SLC25A12: variants seen among roughly 807,000 people sequenced by gnomAD.
The protein encoded by SLC25A12 is electrogenic aspartate/glutamate antiporter SLC25A12, mitochondrial.
In SLC25A12, 32 loss-of-function variants were observed where a neutral mutation model predicts 83.3. The ratio of observed to expected loss-of-function variants is 0.38; its 90% confidence interval spans 0.29 to 0.52. The LOEUF (loss-of-function observed/expected upper bound fraction) is 0.52, where lower values mean the gene tolerates loss of function less well. Among genes scored for constraint, SLC25A12 ranks in the 20% least tolerant of loss-of-function variants. SLC25A12 has a pLI of 0.84. For synonymous variants in SLC25A12, 267 were observed against 291.1 expected (o/e 0.92, Z 0.84); for missense variants, 611 against 835.6 (o/e 0.73, Z 3.31).
At chr2:171,814,687 T>C (rs1443382731) in intron 10 of SLC25A12, among the ~76,000 whole-genome samples, 1 of 137,614 alleles carries the variant, frequency 7.3e-6, no homozygotes, top group Non-Finnish European at 1.6e-5. Flanking sequence ...TGTTTCCTTC[T>C]TTGTGTTCAT....
intron 2 of SLC25A12, among the ~76,000 whole-genome samples, chr2:171,888,909 T>C (rs7588025): frequency 0.77 from 117,716 of 152,082 alleles, 46,555 homozygotes; most frequent in East Asian, 0.89. Context: ...TTTAAAATTA[T>C]ATCTCTTTAT....
intron 2 of SLC25A12, among the ~76,000 whole-genome samples, chr2:171,880,961 G>T (rs541081838): frequency 6.6e-6 from 1 of 152,198 alleles, no homozygotes; most frequent in South Asian, 2.1e-4. Context: ...CCTTTCTGGG[G>T]CTTAGTTTCC....
At chr2:171,843,319 T>A (rs867979070) in intron 5 of SLC25A12, among the ~76,000 whole-genome samples, 46 of 152,104 alleles carry the variant, frequency 3.0e-4, no homozygotes, top group African/African-American at 1.0e-3. Flanking sequence ...ACTAAACAAA[T>A]GAAAACTAGA....
At chr2:171,875,632 G>A (rs1372388643) in intron 2 of SLC25A12, among the ~76,000 whole-genome samples, 1 of 147,822 alleles carries the variant, frequency 6.8e-6, no homozygotes, top group Non-Finnish European at 1.5e-5. Context: ...TGCACATGGG[G>A]GCCGGGCGCG....
At chr2:171,843,690 A>T (rs1453576007) in intron 5 of SLC25A12, among the ~76,000 whole-genome samples, 1 of 151,932 alleles carries the variant, frequency 6.6e-6, no homozygotes, top group Admixed American at 6.6e-5. Context: ...AATAACTCAT[A>T]GGATTACTGA....
intron 14 of SLC25A12, 124 bp downstream of exon 14, chr2:171,793,503 G>T: frequency 3.1e-6 from 3 of 979,900 alleles, no homozygotes; most frequent in Admixed American, 1.9e-5. Flanking sequence ...TTTTCTTTTT[G>T]TTTGATTTTC....
At chr2:171,862,318 T>G (rs147165079) in intron 3 of SLC25A12, among the ~76,000 whole-genome samples, 2,857 of 152,374 alleles carry the variant, frequency 0.019, 58 homozygotes, top group Admixed American at 0.068. Context: ...CTCTGAGATC[T>G]GCATTAAATG....
At chr2:171,880,919 G>A (rs957954394) in intron 2 of SLC25A12, among the ~76,000 whole-genome samples, 1 of 152,094 alleles carries the variant, frequency 6.6e-6, no homozygotes, top group Non-Finnish European at 1.5e-5. Flanking sequence ...AAGCTCCTCC[G>A]TTTACTGTAT....
rs1202640641 is a variant in SLC25A12, at chr2:171,786,220, T to TA, written c.1836-746dup. 3.7e-3 allele frequency among the ~76,000 whole-genome samples: 524 copies of TA among 141,446 alleles called. 3 individuals carry two copies. Among genetic ancestry groups the TA allele is most frequent in the African/African-American group, 9.4e-3 (365 of 38,696 alleles). 92.8% of individuals were successfully genotyped at this position (141,446 alleles called of 152,430 possible). The stretch of plus-strand genomic sequence containing the variant: ...GAGACCCCGTCTCTACTAAAAATAT[T>TA]AAAAAAAAAAAAAATTAGCCAGGCG... On this transcript the variant is annotated intron_variant, in intron 17 of 17. Transcript: ENST00000422440.
At position 171,815,148 on chromosome 2, in the gene SLC25A12, T is replaced by G. The variant is rs1684025161; in HGVS notation, c.985A>C (p.Arg329=). Reference sequence around the variant, plus strand: ...CCAGCAACTGAGCCCAGAGTGAATCTGTAAGCAGACTCGGCAATCTGGAGC... The same window carrying G: ...CCAGCAACTGAGCCCAGAGTGAATCGGTAAGCAGACTCGGCAATCTGGAGC... ...IWLQIAESAY[R]FTLGSVAGAV... The change falls in exon 10 of 18, where the codon AGA becomes CGA. Residue 329 remains arginine, a synonymous_variant. Coordinates refer to ENST00000422440, the MANE Select transcript of SLC25A12 (RefSeq NM_003705.5). The G allele has an allele frequency of 1.2e-6, 2 of 1,613,812 alleles. No homozygotes were observed. Among genetic ancestry groups the G allele is most frequent in the Non-Finnish European group, 1.7e-6 (2 of 1,179,818 alleles).
chr2:171,814,978 G>T, intron 10 of SLC25A12, 143 bp downstream of exon 10: 1 of 704,196 alleles, frequency 1.4e-6, no homozygotes, highest in East Asian at 2.8e-5. Context: ...CCTGATCATA[G>T]GTAAAAATAA....
chr2:171,867,193 CG>C (rs1685348473), intron 3 of SLC25A12, among the ~76,000 whole-genome samples: 1 of 149,682 alleles, frequency 6.7e-6, no homozygotes, highest in African/African-American at 2.5e-5. Context: ...AGACGATGGG[CG>C]GCCAGGCAGA....
intron 3 of SLC25A12, among the ~76,000 whole-genome samples, chr2:171,860,794 G>A (rs1409914615): frequency 6.6e-6 from 1 of 151,756 alleles, no homozygotes; most frequent in East Asian, 1.9e-4. Flanking sequence ...GTTAATAGTA[G>A]AATCTGGCCA....
intron 4 of SLC25A12, chr2:171,845,984 C>A: frequency 1.1e-5 from 3 of 266,864 alleles, no homozygotes; most frequent in East Asian, 1.1e-4. Flanking sequence ...CTAACCAACA[C>A]AAAAGATGAT....
intron 2 of SLC25A12, among the ~76,000 whole-genome samples, chr2:171,872,398 A>G (rs1423190438): frequency 6.6e-6 from 1 of 152,242 alleles, no homozygotes; most frequent in Non-Finnish European, 1.5e-5. Context: ...TATTCTTAAT[A>G]TGTACGAGAT....
At chr2:171,835,595 T>C (rs1356156553) in intron 6 of SLC25A12, among the ~76,000 whole-genome samples, 1 of 152,216 alleles carries the variant, frequency 6.6e-6, no homozygotes, top group Non-Finnish European at 1.5e-5. Context: ...CACTTGGACA[T>C]AAACTCAAAA....
chr2:171,825,623 C>G lies in SLC25A12; in HGVS notation c.930+1175G>C, dbSNP rs144845714. ...GTCTTCTTTATCCATGCCCTCCCCA[C>G]GTCGCCTTGCCTAGTATGGCATCAC... On this transcript the variant is annotated intron_variant, in intron 9 of 17. Coordinates refer to ENST00000422440, the MANE Select transcript of SLC25A12 (RefSeq NM_003705.5). Among the ~76,000 whole-genome samples, 24 of 152,268 alleles carry G rather than the reference C, an allele frequency of 1.6e-4. No individual in the cohort carries two copies. The East Asian group carries it at 4.6e-3, about 29-fold the overall frequency.
At chr2:171,854,576 C>A (rs527625793) in intron 4 of SLC25A12, among the ~76,000 whole-genome samples, 37 of 151,652 alleles carry the variant, frequency 2.4e-4, no homozygotes, top group Admixed American at 1.7e-3. Flanking sequence ...CAAAAAAAAA[C>A]AAAACAAAAA....
At chr2:171,819,324 A>T in intron 9 of SLC25A12, among the ~76,000 whole-genome samples, 1 of 122,336 alleles carries the variant, frequency 8.2e-6, no homozygotes, top group African/African-American at 3.0e-5. Flanking sequence ...TATAATACAT[A>T]ATATATAATT....
Sources: gnomAD v4.1 joint callset for allele counts (sites outside exome capture counted in the v4.1 genomes callset) on GRCh38, gnomAD v4.1.1 for gene constraint, MANE v1.5 for transcripts, NCBI Gene and HGNC (gene_info 2026-07-23, HGNC 2026-07-21) for gene names.